Variants in STAG2 observed in about 807,000 individuals in gnomAD.
The protein encoded by STAG2 is cohesin subunit SA-2.
Under a neutral mutation model 108.1 loss-of-function variants are expected in STAG2, and 14 were observed. That is an observed-to-expected ratio of 0.13 (90% CI 0.09 to 0.20). The LOEUF is 0.20. Among genes scored for constraint, STAG2 ranks in the 10% least tolerant of loss-of-function variants. The pLI is 1.00. For missense variants in STAG2, 440 were observed against 940.9 expected, an observed-to-expected ratio of 0.47 and a Z score of 6.96; for synonymous variants, 307 against 302.7, an observed-to-expected ratio of 1.01 and a Z score of -0.15.
chrX:124,030,966 TA>T lies in STAG2; in HGVS notation c.135del (p.Gly46AlafsTer25). 8.4e-7 allele frequency: 1 copy of T among 1,193,769 alleles called. No homozygotes were observed. The highest frequency in any genetic ancestry group is 1.9e-5 in the South Asian group (1 of 53,556). On this transcript the variant is annotated frameshift_variant, in exon 5 of 35. Coordinates refer to ENST00000371145, the MANE Select transcript of STAG2 (RefSeq NM_001042750.2). LOFTEE classifies it high-confidence loss of function. The stretch of plus-strand genomic sequence containing the variant: ...ACCTCGTATTTTTTATGCAGACTTG[TA>T]AAAAAGGCAAAAAGGGCCCAGCAGA... ...NQKQGKGKTC[K>X]KGKKGPAEKG...
chrX:124,048,121 C>G (rs1403114936), intron 9 of STAG2, among the ~76,000 whole-genome samples: 2 of 111,603 alleles, frequency 1.8e-5, no homozygotes, highest in Non-Finnish European at 3.8e-5. Context: ...TCTGATTTTT[C>G]AAAAATATTA....
In STAG2 at chrX:124,066,450, CAGT is replaced by C. The variant is rs2058531842; in HGVS notation, c.2265+18_2265+20del. 13 of 1,158,811 alleles carry C rather than the reference CAGT, an allele frequency of 1.1e-5. No individual in the cohort carries two copies. The highest frequency in any genetic ancestry group is 1.5e-5 in the Non-Finnish European group (13 of 852,243). On this transcript the variant is annotated intron_variant, in intron 23 of 34. Coordinates refer to ENST00000371145, the MANE Select transcript of STAG2 (RefSeq NM_001042750.2). ...AGCTCTACAAAGGTTTGTGGTGGTT[CAGT>C]AGTGTTTTTATTAGACTAAATATCA... is the stretch of plus-strand genomic sequence containing the variant.
chrX:124,052,005 A>T (rs529992960), intron 13 of STAG2, among the ~76,000 whole-genome samples: 3 of 112,311 alleles, frequency 2.7e-5, no homozygotes, highest in Non-Finnish European at 5.6e-5. Flanking sequence ...TCAGTGTATT[A>T]AAAAACATGC....
chrX:124,084,543 C>T (rs1385354104), intron 29 of STAG2, among the ~76,000 whole-genome samples: 1 of 110,154 alleles, frequency 9.1e-6, no homozygotes, highest in African/African-American at 3.3e-5. Flanking sequence ...GTCTCAAACT[C>T]GTGACCTCAG....
chrX:124,039,638 T>G (rs1301763610), intron 6 of STAG2, among the ~76,000 whole-genome samples: 1 of 52,470 alleles, frequency 1.9e-5, no homozygotes, highest in Non-Finnish European at 4.7e-5. Context: ...GTTTCTTTCT[T>G]TCTTTTTTTT....
chrX:124,049,128 A>G (rs761009944), intron 10 of STAG2, 50 bp downstream of exon 10: 1 of 993,814 alleles, frequency 1.0e-6, no homozygotes, highest in Non-Finnish European at 1.4e-6. Context: ...ATTTCTACTC[A>G]GCAAGTTTGC....
intron 7 of STAG2, among the ~76,000 whole-genome samples, chrX:124,043,758 A>C (rs1461849981): frequency 9.0e-6 from 1 of 111,642 alleles, no homozygotes; most frequent in East Asian, 2.8e-4. Flanking sequence ...CAAAGATTAC[A>C]TATTAGTTTA....
At chrX:124,047,607 A>G in intron 9 of STAG2, 102 bp downstream of exon 9, 1 of 683,416 alleles carries the variant, frequency 1.5e-6, no homozygotes, top group East Asian at 3.5e-5. Context: ...TTTTTGAAAT[A>G]TTTAAATGTA....
At chrX:124,030,249 A>G (rs374495956) in intron 4 of STAG2, among the ~76,000 whole-genome samples, 1 of 112,184 alleles carries the variant, frequency 8.9e-6, no homozygotes, top group East Asian at 2.8e-4. Context: ...AAGCTGCATA[A>G]GGGAGTAATA....
Position 124,101,099 on chromosome X carries a change from G to A in STAG2, c.*502G>A, listed in dbSNP as rs1475361170. 4 of 147,752 alleles carry A rather than the reference G, an allele frequency of 2.7e-5. No individual in the cohort carries two copies. The highest frequency in any genetic ancestry group is 4.0e-5 in the Non-Finnish European group (3 of 74,767). 12.2% of individuals were successfully genotyped at this position (147,752 alleles called of 1,213,427 possible). A position where few individuals can be genotyped will look rare whatever the true frequency, so the allele number is the denominator to read the frequency against. ...CATTCTAAATTTAAATGCTTAAAAC[G>A]TCAATCAACAAAACTTTGTTTTAAA... On this transcript the variant is annotated 3_prime_UTR_variant, in exon 35 of 35. Coordinates refer to ENST00000371145, the MANE Select transcript of STAG2 (RefSeq NM_001042750.2).
intron 1 of STAG2, among the ~76,000 whole-genome samples, chrX:123,970,415 A>AT (rs1457434450): frequency 9.0e-6 from 1 of 111,560 alleles, no homozygotes; most frequent in African/African-American, 3.3e-5. Flanking sequence ...TAGTCAAGTC[A>AT]TTTTCTGAGT....
At chrX:124,066,142 AATTTT>A in intron 21 of STAG2, 28 bp from the exon 22 acceptor site, 1 of 772,661 alleles carries the variant, frequency 1.3e-6, no homozygotes, top group Non-Finnish European at 1.7e-6. Flanking sequence ...AATAAAACTT[AATTTT>A]TTTTTTTTTT....
At chrX:123,979,202 C>G (rs981923359) in intron 1 of STAG2, among the ~76,000 whole-genome samples, 1 of 111,048 alleles carries the variant, frequency 9.0e-6, no homozygotes, top group Non-Finnish European at 1.9e-5. Context: ...CAAATATTAC[C>G]CTTTCAGTGG....
chrX:124,078,038 C>G lies in STAG2; in HGVS notation c.2755C>G (p.Leu919Val). ...QIDKIQCAKT[L>V]ILSLQQLFNE... Reference sequence around the variant, plus strand: ...AGACAAAATTCAGTGTGCTAAGACCCTTATTCTCAGTCTGCAACAGGTAAG... The same window carrying G: ...AGACAAAATTCAGTGTGCTAAGACCGTTATTCTCAGTCTGCAACAGGTAAG... Residue 919 changes from leucine (L) to valine (V), a missense_variant, in exon 27 of 35, where the codon CTT becomes GTT. Leu to Val is a conservative substitution (Grantham distance 32). Around this residue, in one of 3 missense-constraint regions of STAG2, gnomAD observed 337 missense variants for 649.3 expected, o/e 0.52. Coordinates refer to ENST00000371145, the MANE Select transcript of STAG2 (RefSeq NM_001042750.2). 2 of 1,191,287 alleles carry G rather than the reference C, an allele frequency of 1.7e-6. No individual in the cohort carries two copies. Among genetic ancestry groups the G allele is most frequent in the East Asian group, 3.0e-5 (1 of 33,010 alleles).
intron 8 of STAG2, 81 bp downstream of exon 8, chrX:124,045,449 C>G: frequency 1.2e-6 from 1 of 866,953 alleles, no homozygotes; most frequent in East Asian, 3.2e-5. Flanking sequence ...AAGGAAATAA[C>G]AGAGATACAA....
intron 20 of STAG2, 115 bp from the exon 21 acceptor site, chrX:124,065,761 A>G (rs2058507689): frequency 2.1e-6 from 1 of 484,401 alleles, no homozygotes; most frequent in Non-Finnish European, 3.1e-6. Context: ...TTGAATGACA[A>G]AGTTCATTTG....
intron 1 of STAG2, among the ~76,000 whole-genome samples, chrX:124,001,113 C>T (rs982107942): frequency 9.0e-6 from 1 of 111,006 alleles, no homozygotes; most frequent in African/African-American, 3.3e-5. Flanking sequence ...TCTTTAGAGA[C>T]GGAGTCTTGC....
rs572510945 is a variant in STAG2, at chrX:124,051,852, G to A, written c.1196+458G>A. On this transcript the variant is annotated intron_variant, in intron 13 of 34. Transcript: ENST00000371145. ...TGATCCGCCCGCCTTGGCCTCCCAA[G>A]GTGCTGGGATTACAGGCGTGAGCCA... is the stretch of plus-strand genomic sequence containing the variant. Among the ~76,000 whole-genome samples, 42 of 112,124 alleles carry A rather than the reference G, an allele frequency of 3.7e-4. 1 individual carries two copies. In the South Asian group the frequency reaches 6.2e-3, roughly 17 times the overall value.
intron 1 of STAG2, among the ~76,000 whole-genome samples, chrX:123,988,141 G>A (rs912937014): frequency 2.7e-5 from 3 of 111,810 alleles, no homozygotes; most frequent in Non-Finnish European, 5.6e-5. Flanking sequence ...TTCCCATGTA[G>A]TGTGCACTGA....
Sources: gnomAD v4.1 joint callset for allele counts (sites outside exome capture counted in the v4.1 genomes callset) on GRCh38, gnomAD v4.1.1 for gene constraint, gnomAD v4.1.1 regional missense constraint, MANE v1.5 for transcripts, NCBI Gene and HGNC (gene_info 2026-07-23, HGNC 2026-07-21) for gene names.